Variants in SH3PXD2A observed in about 807,000 individuals in gnomAD.
SH3PXD2A encodes SH3 and PX domain-containing protein 2A.
A neutral mutation model predicts 115.2 loss-of-function variants in SH3PXD2A; 32 were observed. The ratio of observed to expected loss-of-function variants is 0.28; its 90% confidence interval spans 0.21 to 0.37. SH3PXD2A has a LOEUF of 0.37. SH3PXD2A is among the 10% of genes least tolerant of loss of function. SH3PXD2A has a pLI of 1.00. For synonymous variants in SH3PXD2A, 610 were observed against 629.1 expected, an observed-to-expected ratio of 0.97 and a Z score of 0.45; for missense variants, 1,328 against 1,498.7, an observed-to-expected ratio of 0.89 and a Z score of 1.88.
chr10:103,610,052 CA>C (rs1426525563), intron 13 of SH3PXD2A: 2 of 152,322 alleles, frequency 1.3e-5, no homozygotes, highest in Non-Finnish European at 2.9e-5. Flanking sequence ...TGGAACTCAG[CA>C]CTCCTTCTGA....
intron 5 of SH3PXD2A, among the ~76,000 whole-genome samples, chr10:103,701,615 T>TCATCCATCCATCCAC (rs1554913030): frequency 4.7e-5 from 6 of 126,362 alleles, no homozygotes; most frequent in African/African-American, 1.5e-4. Flanking sequence ...CATCCATCCA[T>TCATCCATCCATCCAC]CATCCATCCA....
At chr10:103,676,128 C>A (rs1004693938) in intron 6 of SH3PXD2A, among the ~76,000 whole-genome samples, 6 of 152,128 alleles carry the variant, frequency 3.9e-5, no homozygotes, top group Non-Finnish European at 7.4e-5. Flanking sequence ...GGCAGGCTGG[C>A]CAGGAATTGG....
intron 1 of SH3PXD2A, among the ~76,000 whole-genome samples, chr10:103,807,753 C>T (rs932416940): frequency 2.0e-5 from 3 of 152,184 alleles, no homozygotes; most frequent in Non-Finnish European, 4.4e-5. Context: ...CTCTTCAAGA[C>T]CCTCAGCTCT....
intron 8 of SH3PXD2A, among the ~76,000 whole-genome samples, chr10:103,657,577 T>C (rs1327130234): frequency 1.3e-5 from 2 of 152,186 alleles, no homozygotes; most frequent in East Asian, 1.9e-4. Context: ...TGTATATCAA[T>C]GGAGAAAAAG....
intron 7 of SH3PXD2A, among the ~76,000 whole-genome samples, chr10:103,662,624 C>T (rs1282341417): frequency 2.6e-5 from 4 of 151,692 alleles, no homozygotes; most frequent in African/African-American, 9.7e-5. Flanking sequence ...TGGTCTCGAT[C>T]TCCTGACCTC....
rs1453649338 is a variant in SH3PXD2A at position 103,596,743 on chromosome 10, G to C, written c.*5073C>G. On this transcript the variant is annotated 3_prime_UTR_variant, in exon 15 of 15. Transcript: ENST00000369774. ...TCTTAATTATTTAGCAATGTGGACA[G>C]TTCTCTTCCCAGAGAGCTCTGCTTT... 1.3e-5 allele frequency: 2 copies of C among 151,260 alleles called. No homozygotes were observed. Among genetic ancestry groups the C allele is most frequent in the Non-Finnish European group, 2.9e-5 (2 of 67,896 alleles). The allele number at this position is 151,260 out of a possible 1,614,324, so 9.4% of individuals were successfully genotyped here.
chr10:103,833,512 G>C (rs1443938262), intron 1 of SH3PXD2A, among the ~76,000 whole-genome samples: 1 of 151,888 alleles, frequency 6.6e-6, no homozygotes, highest in Non-Finnish European at 1.5e-5. Flanking sequence ...TGGATGTTTA[G>C]AGCAGCATTG....
intron 5 of SH3PXD2A, among the ~76,000 whole-genome samples, chr10:103,702,191 C>A (rs1012476589): frequency 6.6e-6 from 1 of 152,250 alleles, no homozygotes; most frequent in African/African-American, 2.4e-5. Flanking sequence ...CATCATTCAT[C>A]CACCATCCAT....
rs377412634 is a variant in SH3PXD2A at position 103,636,150 on chromosome 10, TG to T, written c.605-8949del. Among the ~76,000 whole-genome samples the T allele has an allele frequency of 1.3e-3, 202 of 152,202 alleles. 1 individual carries two copies. The highest frequency in any genetic ancestry group is 4.1e-3 in the African/African-American group (171 of 41,538). ...GAAGCTGGGCGCGGTGGCTCAGGCC[TG>T]TAATCCCAGCACTTTGGGAGGCCGA... On this transcript the variant is annotated intron_variant, in intron 8 of 14. Transcript: ENST00000369774.
At chr10:103,769,449 C>CTTTT (rs33915699) in intron 2 of SH3PXD2A, among the ~76,000 whole-genome samples, 7 of 137,432 alleles carry the variant, frequency 5.1e-5, no homozygotes, top group Non-Finnish European at 6.3e-5. Flanking sequence ...TCTTCTTCTT[C>CTTTT]TTTTTTTTTT....
At chr10:103,819,166 C>T (rs1393863957) in intron 1 of SH3PXD2A, among the ~76,000 whole-genome samples, 3 of 152,180 alleles carry the variant, frequency 2.0e-5, no homozygotes, top group African/African-American at 7.2e-5. Flanking sequence ...AACACAAAGT[C>T]AAATAAAACA....
chr10:103,690,244 C>T (rs1390243715), intron 6 of SH3PXD2A, among the ~76,000 whole-genome samples: 1 of 152,130 alleles, frequency 6.6e-6, no homozygotes, highest in Non-Finnish European at 1.5e-5. Flanking sequence ...TCCAGGGGAG[C>T]TTTCTAGGTG....
intron 6 of SH3PXD2A, among the ~76,000 whole-genome samples, chr10:103,676,917 C>G (rs2037541158): frequency 6.6e-6 from 1 of 152,208 alleles, no homozygotes; most frequent in South Asian, 2.1e-4. Context: ...CCAATTCCCC[C>G]ACCCTCCAGC....
At chr10:103,700,287 A>G (rs2037876833) in intron 5 of SH3PXD2A, among the ~76,000 whole-genome samples, 1 of 152,256 alleles carries the variant, frequency 6.6e-6, no homozygotes, top group East Asian at 1.9e-4. Context: ...GGGGGTTAAA[A>G]TAGTTGCTAT....
chr10:103,662,452 T>G (rs1484203670), intron 7 of SH3PXD2A, among the ~76,000 whole-genome samples: 1 of 130,502 alleles, frequency 7.7e-6, no homozygotes, highest in Non-Finnish European at 1.6e-5. Context: ...GACTGCGGAC[T>G]GCAGTGGCGC....
At chr10:103,680,723 G>T (rs995036298) in intron 6 of SH3PXD2A, among the ~76,000 whole-genome samples, 8 of 152,174 alleles carry the variant, frequency 5.3e-5, no homozygotes. Context: ...AAATCCAGGG[G>T]GCAAGGCAGA....
At chr10:103,838,009 G>A (rs2134313394) in intron 1 of SH3PXD2A, among the ~76,000 whole-genome samples, 1 of 152,240 alleles carries the variant, frequency 6.6e-6, no homozygotes, top group Middle Eastern at 3.4e-3. Context: ...CTCTGATTCT[G>A]CAGCCAACCA....
intron 1 of SH3PXD2A, among the ~76,000 whole-genome samples, chr10:103,828,159 G>C: frequency 6.6e-6 from 1 of 152,248 alleles, no homozygotes. Flanking sequence ...GGGATGATGG[G>C]TAGGTAGCCA....
intron 1 of SH3PXD2A, 45 bp downstream of exon 1, chr10:103,855,150 G>GGA: frequency 7.0e-7 from 1 of 1,437,726 alleles, no homozygotes; most frequent in Middle Eastern, 1.8e-4. Context: ...GGCCCTCCCG[G>GGA]GACCTCGGGC....
Sources: gnomAD v4.1 joint callset for allele counts (sites outside exome capture counted in the v4.1 genomes callset) on GRCh38, gnomAD v4.1.1 for gene constraint, MANE v1.5 for transcripts, NCBI Gene and HGNC (gene_info 2026-07-23, HGNC 2026-07-21) for gene names.